The following TTC3 variants were observed in gnomAD, a reference collection of about 807,000 sequenced individuals.
The protein encoded by TTC3 is E3 ubiquitin-protein ligase TTC3.
Under a neutral mutation model 249.6 loss-of-function variants are expected in TTC3, and 180 were observed. The ratio of observed to expected loss-of-function variants is 0.72; its 90% CI spans 0.64 to 0.82. The LOEUF is 0.82. TTC3 is among the 40% of genes least tolerant of loss of function. The pLI is 0.00. For synonymous variants in TTC3, 717 were observed against 805.0 expected, an observed-to-expected ratio of 0.89 and a Z score of 1.85; for missense variants, 2,061 against 2,398.4, an observed-to-expected ratio of 0.86 and a Z score of 2.94.
intron 1 of TTC3, among the ~76,000 whole-genome samples, chr21:37,081,109 CTTTTTTTTTTT>C (rs58809719): frequency 3.4e-5 from 2 of 58,164 alleles, no homozygotes; most frequent in Admixed American, 2.1e-4. Flanking sequence ...TTATTTATGC[CTTTTTTTTTTT>C]TTTTTTTTTT....
intron 10 of TTC3, chr21:37,097,827 T>G: frequency 1.7e-6 from 1 of 581,744 alleles, no homozygotes; most frequent in Non-Finnish European, 3.1e-6. Context: ...AGCGCTTGTA[T>G]GGGAGGGTGG....
At position 37,088,137 on chromosome 21, in the gene TTC3, G is replaced by A. The variant is rs1349938733; in HGVS notation, c.188-59G>A. On this transcript the variant is annotated intron_variant, in intron 3 of 45. Coordinates refer to ENST00000355666, the Ensembl canonical transcript of TTC3. Reference sequence around the variant, plus strand: ...CATTTTTGCCTTTTTACTATTAAGTGTTGATTCATTAAAAAAATGAGGCAC... The same window carrying A: ...CATTTTTGCCTTTTTACTATTAAGTATTGATTCATTAAAAAAATGAGGCAC... 4 of 1,431,838 alleles carry A rather than the reference G, an allele frequency of 2.8e-6. No individual in the cohort carries two copies. In the East Asian group the frequency reaches 7.5e-5, roughly 27 times the overall value. The allele number at this position is 1,431,838 out of a possible 1,614,324, so 88.7% of individuals were successfully genotyped here. A position where few individuals can be genotyped will look rare whatever the true frequency, so the allele number is the denominator to read the frequency against.
At chr21:37,195,546 G>A in intron 41 of TTC3, 129 bp from the exon 42 acceptor site, 1 of 1,246,630 alleles carries the variant, frequency 8.0e-7, no homozygotes. Context: ...TTAATTCATG[G>A]TATTCAGGTT....
chr21:37,124,764 A>G (rs990640848), intron 14 of TTC3, 22 bp downstream of exon 14: 9 of 1,604,826 alleles, frequency 5.6e-6, no homozygotes, highest in Non-Finnish European at 7.6e-6. Flanking sequence ...TGAAAACTAC[A>G]GTTTTTTTCA....
intron 3 of TTC3, 152 bp from the exon 4 acceptor site, chr21:37,088,044 C>A: frequency 1.1e-6 from 1 of 934,924 alleles, no homozygotes; most frequent in Non-Finnish European, 1.6e-6. Context: ...TTTTTGCCAG[C>A]ACTTAAATAT....
intron 39 of TTC3, 60 bp from the exon 40 acceptor site, chr21:37,191,274 G>T: frequency 8.6e-7 from 1 of 1,163,154 alleles, no homozygotes; most frequent in South Asian, 1.6e-5. Flanking sequence ...ATGTTTATTT[G>T]ACCGTAAGTG....
At chr21:37,076,348 G>A (rs934829632) in intron 1 of TTC3, among the ~76,000 whole-genome samples, 4 of 152,074 alleles carry the variant, frequency 2.6e-5, no homozygotes, top group Admixed American at 2.0e-4. Context: ...TGGGCATTTT[G>A]GTTGTTTCTA....
At chr21:37,145,636 G>A (rs924535001) in intron 21 of TTC3, among the ~76,000 whole-genome samples, 4 of 152,212 alleles carry the variant, frequency 2.6e-5, no homozygotes, top group Admixed American at 1.3e-4. Context: ...AGAAGTACCT[G>A]AGACTGGTGA....
At chr21:37,159,611 G>T (rs2080482369) in intron 28 of TTC3, 88 bp from the exon 29 acceptor site, 2 of 1,399,254 alleles carry the variant, frequency 1.4e-6, no homozygotes, top group Non-Finnish European at 2.0e-6. Flanking sequence ...TATGCCAGTA[G>T]TATGAGGAGT....
At chr21:37,200,268 G>A (rs762792894) in exon 45 of TTC3, 158 of 1,614,074 alleles carry the variant, frequency 9.8e-5, no homozygotes, top group Non-Finnish European at 1.3e-4. Context: ...ATGCCACGAG[G>A]TGTTCAAATC....
chr21:37,146,269 C>A (rs564101358), intron 21 of TTC3, among the ~76,000 whole-genome samples: 1 of 152,106 alleles, frequency 6.6e-6, no homozygotes, highest in South Asian at 2.1e-4. Flanking sequence ...TGGCTTACGC[C>A]TGTAATCCTA....
chr21:37,165,715 C>G, exon 33 of TTC3: 2 of 1,613,584 alleles, frequency 1.2e-6, no homozygotes, highest in South Asian at 2.2e-5. Context: ...TGATTGACAA[C>G]TGTATTGCAC....
chr21:37,103,961 A>T (rs549016986), intron 10 of TTC3, among the ~76,000 whole-genome samples: 16 of 152,312 alleles, frequency 1.1e-4, no homozygotes, highest in South Asian at 2.1e-4. Context: ...TAAAAAAAAA[A>T]TTTGAGCATA....
chr21:37,152,146 G>A, intron 26 of TTC3, 117 bp downstream of exon 26: 1 of 1,179,278 alleles, frequency 8.5e-7, no homozygotes, highest in Non-Finnish European at 1.1e-6. Context: ...ATTTCACTTA[G>A]TAATTTAATA....
At chr21:37,112,606 A>G (rs1452625365) in intron 11 of TTC3, among the ~76,000 whole-genome samples, 1 of 152,232 alleles carries the variant, frequency 6.6e-6, no homozygotes, top group Non-Finnish European at 1.5e-5. Context: ...GAATTCTACC[A>G]TAGGTACTAG....
chr21:37,151,771 A>G (rs2079490988), intron 25 of TTC3, 122 bp from the exon 26 acceptor site: 5 of 1,114,650 alleles, frequency 4.5e-6, no homozygotes, highest in Non-Finnish European at 6.1e-6. Context: ...ATTGAATGGA[A>G]GATGTAGGCC....
intron 1 of TTC3, chr21:37,081,467 T>C (rs1482943912): frequency 6.6e-6 from 1 of 152,170 alleles, no homozygotes; most frequent in Non-Finnish European, 1.5e-5. Context: ...TTACATTGGA[T>C]TTTCTGTCTT....
At chr21:37,160,738 C>A (rs569922329) in intron 29 of TTC3, 64 bp from the exon 30 acceptor site, 1 of 1,542,326 alleles carries the variant, frequency 6.5e-7, no homozygotes, top group Non-Finnish European at 8.9e-7. Flanking sequence ...CATATGGTTT[C>A]TTTATGTTGA....
At chr21:37,174,518 T>C (rs2082071443) in intron 35 of TTC3, among the ~76,000 whole-genome samples, 1 of 152,186 alleles carries the variant, frequency 6.6e-6, no homozygotes. Flanking sequence ...AAGAAATGAG[T>C]GGCTTTTCCT....
Sources: allele counts gnomAD v4.1 joint callset (sites outside exome capture counted in the v4.1 genomes callset), GRCh38; gene constraint gnomAD v4.1.1; transcripts MANE v1.5; gene names NCBI Gene and HGNC (gene_info 2026-07-23, HGNC 2026-07-21).